The following PKHD1L1 variants were observed in gnomAD, a reference collection of about 807,000 sequenced individuals.
PKHD1L1 encodes PKHD1 like 1.
PKHD1L1 carries 434 observed loss-of-function variants against 462.9 expected under a neutral mutation model. The ratio of observed to expected loss-of-function variants is 0.94; its 90% CI spans 0.87 to 1.02. PKHD1L1 has a LOEUF of 1.02. Ranked by LOEUF, PKHD1L1 falls within the 50% of genes least tolerant of loss-of-function variation. The pLI is 0.00. For synonymous variants in PKHD1L1, 1,781 were observed against 1,750.0 expected (o/e 1.02, Z -0.44); for missense variants, 5,202 against 5,096.1 (o/e 1.02, Z -0.63).
At chr8:109,508,299 A>G (rs1819802939) in intron 70 of PKHD1L1, 35 bp downstream of exon 70, 1 of 1,547,046 alleles carries the variant, frequency 6.5e-7, no homozygotes, top group Non-Finnish European at 8.8e-7. Flanking sequence ...ACAATTACTC[A>G]AAACATTGCT....
chr8:109,470,394 G>C (rs1817659126), intron 50 of PKHD1L1: 1 of 1,583,884 alleles, frequency 6.3e-7, no homozygotes, highest in African/African-American at 1.3e-5. Flanking sequence ...TTTCCAATTG[G>C]AGAGAACAAA....
At chr8:109,489,254 G>T (rs1818705985) in intron 59 of PKHD1L1, among the ~76,000 whole-genome samples, 1 of 151,774 alleles carries the variant, frequency 6.6e-6, no homozygotes, top group South Asian at 2.1e-4. Context: ...TTCCAGCCAT[G>T]AGTTCCTGTG....
chr8:109,396,407 A>G (rs1812977943), intron 11 of PKHD1L1, among the ~76,000 whole-genome samples: 1 of 152,210 alleles, frequency 6.6e-6, no homozygotes, highest in African/African-American at 2.4e-5. Flanking sequence ...GCTGCCATCC[A>G]TGAATTCCTC....
chr8:109,450,557 G>T (rs751972884), intron 40 of PKHD1L1, among the ~76,000 whole-genome samples: 1 of 152,046 alleles, frequency 6.6e-6, no homozygotes, highest in Non-Finnish European at 1.5e-5. Context: ...GCATCTTCTC[G>T]TTATGTTTTT....
intron 34 of PKHD1L1, 27 bp downstream of exon 34, chr8:109,441,406 T>C: frequency 7.8e-7 from 1 of 1,282,048 alleles, no homozygotes; most frequent in Non-Finnish European, 1.1e-6. Flanking sequence ...TACTATGAAA[T>C]AATGGAAGCA....
Position 109,479,972 on chromosome 8 carries a change from TTAAAG to T in PKHD1L1, c.9179-16_9179-12del. 6.5e-7 allele frequency: 1 copy of T among 1,538,282 alleles called. No individual in the cohort carries two copies. Among genetic ancestry groups the T allele is most frequent in the Admixed American group, 2.4e-5 (1 of 41,362 alleles). ...TAGTTTATGGATTATGTTATATTTC[TTAAAG>T]TATTGTTTTATAGGAACATGGATTG... is the stretch of plus-strand genomic sequence containing the variant. On this transcript the variant is annotated splice_polypyrimidine_tract_variant and intron_variant, in intron 54 of 77. Coordinates refer to ENST00000378402, the MANE Select transcript of PKHD1L1 (RefSeq NM_177531.6).
chr8:109,491,134 A>C (rs1818803065), intron 61 of PKHD1L1, 33 bp downstream of exon 61: 5 of 1,585,872 alleles, frequency 3.2e-6, no homozygotes, highest in Non-Finnish European at 4.3e-6. Context: ...CAAATTACAC[A>C]TCCTGTGGAG....
chr8:109,522,070 C>A, intron 73 of PKHD1L1, 116 bp from the exon 74 acceptor site: 1 of 1,068,696 alleles, frequency 9.4e-7, no homozygotes, highest in African/African-American at 1.7e-5. Context: ...ACTAGAAAGC[C>A]TTAGAATTCT....
chr8:109,414,027 A>G (rs1813998757), intron 21 of PKHD1L1, among the ~76,000 whole-genome samples: 1 of 152,176 alleles, frequency 6.6e-6, no homozygotes, highest in African/African-American at 2.4e-5. Context: ...AAACAAAATA[A>G]ACCTAGAGAA....
In PKHD1L1 at chr8:109,534,266, T is replaced by C. The variant is rs1821103465; in HGVS notation, c.*4176T>C. Among the ~76,000 whole-genome samples the C allele has an allele frequency of 6.6e-6, 1 of 152,188 alleles. No homozygotes were observed. Among genetic ancestry groups the C allele is most frequent in the Non-Finnish European group, 1.5e-5 (1 of 68,028 alleles). On this transcript the variant is annotated 3_prime_UTR_variant, in exon 78 of 78. Coordinates refer to ENST00000378402, the MANE Select transcript of PKHD1L1 (RefSeq NM_177531.6). ...TCACGAGGTCAGGAGATCGAGACTATCCTGGCTAACACAGTGAAATCCTGT... is the reference window on the plus strand; with the variant it reads ...TCACGAGGTCAGGAGATCGAGACTACCCTGGCTAACACAGTGAAATCCTGT...
intron 23 of PKHD1L1, among the ~76,000 whole-genome samples, chr8:109,423,273 A>G (rs1030066185): frequency 6.6e-6 from 1 of 151,934 alleles, no homozygotes; most frequent in Non-Finnish European, 1.5e-5. Flanking sequence ...TACATTTTAT[A>G]TTTAAGGGCA....
chr8:109,493,845 A>G (rs1818953992), intron 63 of PKHD1L1, 94 bp downstream of exon 63: 2 of 718,720 alleles, frequency 2.8e-6, no homozygotes, highest in Non-Finnish European at 4.2e-6. Context: ...TCAATATGTG[A>G]TGTCTTTTCC....
In PKHD1L1 at chr8:109,464,343, C is replaced by G. The variant is rs756065584; in HGVS notation, c.7511C>G (p.Thr2504Ser). The G allele has an allele frequency of 6.2e-7, 1 of 1,613,228 alleles. No individual in the cohort carries two copies. The highest frequency in any genetic ancestry group is 8.5e-7 in the Non-Finnish European group (1 of 1,179,516). Reference protein sequence around the residue: ...AIHQAYNRAVTIHNTHHLLVE... With the variant: ...AIHQAYNRAVSIHNTHHLLVE... ...CACCAGGCCTATAACAGAGCTGTTA[C>G]TATTCATAACACACACCATCTTCTG... Residue 2504 changes from threonine to serine, a missense_variant, in exon 49 of 78, where the codon ACT (threonine) becomes AGT (serine). Physicochemically the swap from Thr to Ser is moderately conservative, Grantham distance 58 (BLOSUM62 1). Coordinates refer to ENST00000378402, the MANE Select transcript of PKHD1L1 (RefSeq NM_177531.6).
chr8:109,444,811 TC>T lies in PKHD1L1; in HGVS notation c.4944del (p.Asn1649MetfsTer26). 1.9e-6 allele frequency: 3 copies of T among 1,614,010 alleles called. No individual in the cohort carries two copies. The highest frequency in any genetic ancestry group is 2.5e-6 in the Non-Finnish European group (3 of 1,179,894). On this transcript the variant is annotated frameshift_variant, in exon 38 of 78. Transcript: ENST00000378402. LOFTEE classifies it high-confidence loss of function. Reference protein sequence around the residue: ...YNLGTAINTLSNEFDRRFVLL... With the variant: ...YNLGTAINTLXNEFDRRFVLL... ...CCTGGGCACTGCTATCAATACGTTG[TC>T]CAATGAATTTGATAGGCGATTTGTA... is the stretch of plus-strand genomic sequence containing the variant.
At chr8:109,447,362 T>C (rs879442037) in intron 38 of PKHD1L1, among the ~76,000 whole-genome samples, 8 of 152,236 alleles carry the variant, frequency 5.3e-5, no homozygotes, top group Non-Finnish European at 8.8e-5. Flanking sequence ...TTCTTTACTA[T>C]TATCACTTGA....
At chr8:109,394,522 T>C (rs1563733462) in intron 10 of PKHD1L1, 37 bp downstream of exon 10, 1 of 1,333,192 alleles carries the variant, frequency 7.5e-7, no homozygotes, top group Non-Finnish European at 1.0e-6. Flanking sequence ...GCGGGGGTGG[T>C]GGGAAGGCAG....
At chr8:109,449,226 C>G in intron 39 of PKHD1L1, 112 bp from the exon 40 acceptor site, 3 of 1,071,406 alleles carry the variant, frequency 2.8e-6, no homozygotes, top group Non-Finnish European at 3.8e-6. Context: ...CTAAAAAACT[C>G]TTCATTTAAT....
intron 19 of PKHD1L1, among the ~76,000 whole-genome samples, chr8:109,412,039 A>G (rs1164805462): frequency 6.6e-6 from 1 of 152,108 alleles, no homozygotes; most frequent in Non-Finnish European, 1.5e-5. Context: ...CAAAGTAAGG[A>G]AAAAAATCAA....
Position 109,439,019 on chromosome 8 carries a change from C to A in PKHD1L1, c.3883C>A (p.Leu1295Ile), listed in dbSNP as rs915964728. 1.9e-5 allele frequency: 30 copies of A among 1,613,474 alleles called. No homozygotes were observed. The highest frequency in any genetic ancestry group is 2.4e-5 in the Non-Finnish European group (28 of 1,179,666). Residue 1295 changes from leucine (L) to isoleucine (I), a missense_variant, in exon 32 of 78, where the codon CTT becomes ATT. Leu to Ile is a conservative substitution (Grantham distance 5, BLOSUM62 2). Transcript: ENST00000378402. The part of the protein sequence containing the change: ...LHWNFTDIRC[L>I]LPKLSPGKHD... ...CTGGAACTTCACAGATATTAGATGC[C>A]TTTTGCCCAAGTTGTCTCCTGGAAA...
Sources: gnomAD v4.1 joint callset for allele counts (sites outside exome capture counted in the v4.1 genomes callset) on GRCh38, gnomAD v4.1.1 for gene constraint, MANE v1.5 for transcripts, NCBI Gene and HGNC (gene_info 2026-07-23, HGNC 2026-07-21) for gene names.